The following CNTN6 variants were observed in gnomAD, a reference collection of about 807,000 sequenced individuals.
The protein encoded by CNTN6 is contactin 6.
CNTN6 carries 137 observed loss-of-function variants against 122.8 expected under a neutral mutation model. That is an observed-to-expected ratio of 1.12 (90% confidence interval 0.97 to 1.29). The LOEUF is 1.29. CNTN6 is among the 50% of genes most tolerant of loss of function. CNTN6 has a pLI of 0.00. For synonymous variants in CNTN6, 570 were observed against 426.0 expected (o/e 1.34, Z -4.16); for missense variants, 1,634 against 1,223.4 (o/e 1.34, Z -5.01).
At chr3:1,329,169 T>G (rs1221778797) in intron 10 of CNTN6, among the ~76,000 whole-genome samples, 5 of 151,124 alleles carry the variant, frequency 3.3e-5, no homozygotes, top group Non-Finnish European at 7.4e-5. Flanking sequence ...ACATATATAA[T>G]AAATCAGAAA....
chr3:1,345,143 G>T (rs2648649), intron 11 of CNTN6, among the ~76,000 whole-genome samples: 3 of 150,482 alleles, frequency 2.0e-5, no homozygotes, highest in Non-Finnish European at 3.0e-5. Context: ...TTGAGACAGG[G>T]TCTCACTTAG....
intron 7 of CNTN6, among the ~76,000 whole-genome samples, chr3:1,313,440 A>G (rs768260028): frequency 1.3e-4 from 20 of 152,080 alleles, no homozygotes; most frequent in African/African-American, 3.6e-4. Flanking sequence ...TGCTTCAAAC[A>G]TTGTATTTTA....
At chr3:1,388,807 G>C (rs1693613154) in intron 20 of CNTN6, among the ~76,000 whole-genome samples, 1 of 149,370 alleles carries the variant, frequency 6.7e-6, no homozygotes, top group Non-Finnish European at 1.5e-5. Flanking sequence ...GGAAGAAAGG[G>C]TATCAGCAAT....
rs114058288 is a variant in CNTN6 at position 1,333,683 on chromosome 3, T to C, written c.1364+3748T>C. 5.2e-3 allele frequency among the ~76,000 whole-genome samples: 787 copies of C among 152,192 alleles called. 3 individuals carry two copies. The highest frequency in any genetic ancestry group is 8.2e-3 in the Non-Finnish European group (558 of 67,982). ...ATAAAGTATAACTACCTAGAGATGG[T>C]TGAGAGGGCTCTAAAGAAACCTATT... On this transcript the variant is annotated intron_variant, in intron 11 of 22. Transcript: ENST00000446702.
chr3:1,104,251 T>C (rs960124870), intron 1 of CNTN6, among the ~76,000 whole-genome samples: 1 of 152,126 alleles, frequency 6.6e-6, no homozygotes, highest in Non-Finnish European at 1.5e-5. Flanking sequence ...AATTCCAAGA[T>C]GATTATTTTA....
intron 4 of CNTN6, among the ~76,000 whole-genome samples, chr3:1,237,829 C>A (rs1032541956): frequency 5.3e-5 from 8 of 152,132 alleles, no homozygotes; most frequent in Admixed American, 1.3e-4. Flanking sequence ...AAGACACAGT[C>A]TTTTCCAGAC....
intron 7 of CNTN6, among the ~76,000 whole-genome samples, chr3:1,300,474 AGGAAGG>A (rs1559753916): frequency 2.7e-4 from 36 of 135,436 alleles, no homozygotes; most frequent in African/African-American, 1.3e-3. Flanking sequence ...GAAGGAAGGA[AGGAAGG>A]AAGGAAGGAA....
intron 11 of CNTN6, among the ~76,000 whole-genome samples, chr3:1,331,301 C>G (rs1439646344): frequency 2.0e-5 from 3 of 152,090 alleles, no homozygotes; most frequent in South Asian, 2.1e-4. Flanking sequence ...TGTCCTGTGC[C>G]TTGGCACAGA....
intron 4 of CNTN6, among the ~76,000 whole-genome samples, chr3:1,260,851 G>A (rs906530960): frequency 2.1e-4 from 32 of 152,014 alleles, no homozygotes; most frequent in African/African-American, 7.7e-4. Context: ...GTTTCCTGAG[G>A]CCTCCCCAGA....
intron 1 of CNTN6, among the ~76,000 whole-genome samples, chr3:1,122,577 A>G (rs77379160): frequency 0.026 from 4,002 of 151,770 alleles, 186 homozygotes; most frequent in African/African-American, 0.092. Flanking sequence ...AGAAGCTCTT[A>G]CCAATTAGTA....
chr3:1,342,087 CAAAA>C (rs11397128), intron 11 of CNTN6, among the ~76,000 whole-genome samples: 9 of 151,286 alleles, frequency 5.9e-5, no homozygotes, highest in African/African-American at 2.2e-4. Flanking sequence ...GAAGAGTTGC[CAAAA>C]AAAAGTAACA....
intron 4 of CNTN6, among the ~76,000 whole-genome samples, chr3:1,229,278 C>T (rs1430009279): frequency 2.6e-5 from 4 of 152,128 alleles, no homozygotes; most frequent in East Asian, 3.9e-4. Flanking sequence ...AACATAAAAA[C>T]TTATGTTATA....
chr3:1,269,130 C>A (rs2094979565), intron 4 of CNTN6, among the ~76,000 whole-genome samples: 1 of 147,146 alleles, frequency 6.8e-6, no homozygotes, highest in Non-Finnish European at 1.5e-5. Flanking sequence ...TGTATTATGT[C>A]ATTTTTTTTC....
rs10599744 is a variant in CNTN6 at position 1,277,346 on chromosome 3, CTTTTTTTTTTTTTT to C, written c.359-1049_359-1036del. On this transcript the variant is annotated intron_variant, in intron 4 of 22. Transcript: ENST00000446702. ...CTACTTCTGTCTTTTAGTAGGTTTT[CTTTTTTTTTTTTTT>C]TTTTTTTTTTTTTTTTTGAGACCGA... Among the ~76,000 whole-genome samples, 13 of 80,192 alleles carry C rather than the reference CTTTTTTTTTTTTTT, an allele frequency of 1.6e-4. No homozygotes were observed. The East Asian group carries it at 1.9e-3, about 12-fold the overall frequency. 52.6% of individuals were successfully genotyped at this position (80,192 alleles called of 152,430 possible). A position where few individuals can be genotyped will look rare whatever the true frequency, so the allele number is the denominator to read the frequency against.
intron 2 of CNTN6, among the ~76,000 whole-genome samples, chr3:1,214,550 T>C (rs2094102942): frequency 6.6e-6 from 1 of 151,962 alleles, no homozygotes; most frequent in Admixed American, 6.6e-5. Flanking sequence ...CCTCAGGCGA[T>C]CCACCCACCT....
chr3:1,276,557 C>G (rs1692401006), intron 4 of CNTN6, among the ~76,000 whole-genome samples: 1 of 152,174 alleles, frequency 6.6e-6, no homozygotes, highest in South Asian at 2.1e-4. Context: ...CCATTATGCA[C>G]TAACAACACT....
In CNTN6 at chr3:1,102,888, A is replaced by C. The variant is rs770957055; in HGVS notation, c.-83+9768A>C. Among the ~76,000 whole-genome samples, 546 of 151,176 alleles carry C rather than the reference A, an allele frequency of 3.6e-3. 6 individuals are homozygous for C. The highest frequency in any genetic ancestry group is 4.9e-3 in the Non-Finnish European group (335 of 67,706). Reference sequence around the variant, plus strand: ...TTTTGGAGGCCGAGGCGGGCGGATCACGAGATCAGGAGATCGAGACCATCC... The same window carrying C: ...TTTTGGAGGCCGAGGCGGGCGGATCCCGAGATCAGGAGATCGAGACCATCC... On this transcript the variant is annotated intron_variant, in intron 1 of 22. Coordinates refer to ENST00000446702, the MANE Select transcript of CNTN6 (RefSeq NM_001289080.2).
chr3:1,118,015 C>A (rs1230774698), intron 1 of CNTN6, among the ~76,000 whole-genome samples: 1 of 152,154 alleles, frequency 6.6e-6, no homozygotes, highest in Non-Finnish European at 1.5e-5. Context: ...CCCAAATAAG[C>A]CCTTGCCTCA....
intron 2 of CNTN6, among the ~76,000 whole-genome samples, chr3:1,175,222 C>CAAAAA (rs61606722): frequency 1.3e-5 from 1 of 76,830 alleles, no homozygotes; most frequent in Admixed American, 1.5e-4. Context: ...GACTTTGTCT[C>CAAAAA]AAAAAAAAAA....
Sources: gnomAD v4.1 joint callset for allele counts (sites outside exome capture counted in the v4.1 genomes callset) on GRCh38, gnomAD v4.1.1 for gene constraint, MANE v1.5 for transcripts, NCBI Gene and HGNC (gene_info 2026-07-23, HGNC 2026-07-21) for gene names.